The following BMP7 variants were observed in gnomAD, a reference collection of about 807,000 sequenced individuals.
The protein encoded by BMP7 is osteogenic protein 1.
In BMP7, 12 loss-of-function variants were observed where a neutral mutation model predicts 41.2. The ratio of observed to expected loss-of-function variants is 0.29; its 90% CI spans 0.19 to 0.47. BMP7 has a LOEUF of 0.47. BMP7 is among the 20% of genes least tolerant of loss of function. The pLI, the probability that BMP7 is intolerant of heterozygous loss-of-function variation, is 0.99. For missense variants in BMP7, 467 were observed against 606.0 expected (o/e 0.77, Z 2.41); for synonymous variants, 248 against 250.0 (o/e 0.99, Z 0.07).
At chr20:57,196,465 A>C (rs532923707) in intron 3 of BMP7, among the ~76,000 whole-genome samples, 1 of 152,194 alleles carries the variant, frequency 6.6e-6, no homozygotes, top group African/African-American at 2.4e-5. Context: ...TGCTTCGAAC[A>C]GTCCTTGCCT....
At chr20:57,194,067 G>C (rs1488810857) in intron 3 of BMP7, among the ~76,000 whole-genome samples, 1 of 152,194 alleles carries the variant, frequency 6.6e-6, no homozygotes, top group Non-Finnish European at 1.5e-5. Flanking sequence ...CTCCTGCTGG[G>C]GATGGATGCT....
At chr20:57,187,501 T>C (rs1380765871) in intron 3 of BMP7, among the ~76,000 whole-genome samples, 2 of 151,746 alleles carry the variant, frequency 1.3e-5, no homozygotes, top group Non-Finnish European at 2.9e-5. Flanking sequence ...AGAAGTATCC[T>C]GGAGGTTTCT....
chr20:57,211,677 G>A (rs898601696), intron 2 of BMP7, among the ~76,000 whole-genome samples: 2 of 152,210 alleles, frequency 1.3e-5, no homozygotes, highest in African/African-American at 4.8e-5. Context: ...AGGGGAGGCA[G>A]GAGGCCAGAG....
chr20:57,212,278 G>A (rs547199596), intron 2 of BMP7, among the ~76,000 whole-genome samples: 31 of 152,214 alleles, frequency 2.0e-4, no homozygotes, highest in Admixed American at 5.2e-4. Flanking sequence ...AGGGAAAAGC[G>A]TTCCCGGCAG....
At chr20:57,252,772 G>C (rs930344996) in intron 1 of BMP7, among the ~76,000 whole-genome samples, 1 of 152,138 alleles carries the variant, frequency 6.6e-6, no homozygotes, top group Non-Finnish European at 1.5e-5. Context: ...ACCACTGTGG[G>C]TCAGTGCGTT....
Position 57,183,760 on chromosome 20 carries a change from G to T in BMP7, c.920C>A (p.Pro307His), listed in dbSNP as rs1250712217. ...CATCCGCAGGGCTTCCTGGTTCTTG[G>T]GCGTCTTGGAGCGGTTCTGGCTGCG... is the stretch of plus-strand genomic sequence containing the variant. ...KQRSQNRSKT[P>H]KNQEALRMAN... Residue 307 changes from proline to histidine, a missense_variant, in exon 4 of 7, where the codon CCC becomes CAC. Physicochemically the swap from Pro to His is moderately conservative, Grantham distance 77. This residue lies in a region of BMP7 where 407 missense variants were observed against 485.9 expected (regional missense o/e 0.84). Transcript: ENST00000395863. 6.2e-7 allele frequency: 1 copy of T among 1,614,042 alleles called. No individual in the cohort carries two copies. The highest frequency in any genetic ancestry group is 8.5e-7 in the Non-Finnish European group (1 of 1,180,040).
intron 4 of BMP7, among the ~76,000 whole-genome samples, chr20:57,179,855 A>G (rs561755717): frequency 2.0e-5 from 3 of 152,320 alleles, no homozygotes; most frequent in Admixed American, 6.5e-5. Flanking sequence ...GCAGGTTCCC[A>G]GCAATGAATT....
chr20:57,205,833 A>G (rs1420279582), intron 2 of BMP7, among the ~76,000 whole-genome samples: 2 of 152,198 alleles, frequency 1.3e-5, no homozygotes, highest in Non-Finnish European at 2.9e-5. Context: ...CCATGAATCA[A>G]CGTGAATGCG....
chr20:57,229,232 A>G (rs1248316853), intron 1 of BMP7, among the ~76,000 whole-genome samples: 1 of 152,164 alleles, frequency 6.6e-6, no homozygotes, highest in Non-Finnish European at 1.5e-5. Flanking sequence ...CCCCCTCCTG[A>G]ACCAAGGGAA....
In BMP7 at chr20:57,259,328, C is replaced by T. The variant is rs2066145303; in HGVS notation, c.418+6377G>A. Among the ~76,000 whole-genome samples, 1 of 152,218 alleles carries T rather than the reference C, an allele frequency of 6.6e-6. No homozygotes were observed. Among genetic ancestry groups the T allele is most frequent in the Non-Finnish European group, 1.5e-5 (1 of 68,044 alleles). ...CACTGTGAAGCCCTTTATAGAAAGC[C>T]GCGGTTGGCAGCCCCCGCTCCTGCA... On this transcript the variant is annotated intron_variant, in intron 1 of 6. Transcript: ENST00000395863. The surrounding 1 kb of genome is among the most constrained non-coding windows in gnomAD (Gnocchi z 4.7).
At chr20:57,249,290 T>G (rs1249574381) in intron 1 of BMP7, among the ~76,000 whole-genome samples, 6 of 152,032 alleles carry the variant, frequency 3.9e-5, no homozygotes, top group Non-Finnish European at 7.4e-5. Context: ...CTTCTAGTGT[T>G]TGAAGGCAAG....
chr20:57,177,176 G>A (rs949709861), intron 4 of BMP7, among the ~76,000 whole-genome samples: 6 of 152,174 alleles, frequency 3.9e-5, no homozygotes, highest in Admixed American at 3.9e-4. Flanking sequence ...GAAGCAGCAA[G>A]CCAAGAGTGG....
chr20:57,252,524 T>A (rs1295145603), intron 1 of BMP7, among the ~76,000 whole-genome samples: 1 of 152,242 alleles, frequency 6.6e-6, no homozygotes, highest in Non-Finnish European at 1.5e-5. Context: ...GAGGGGCCAG[T>A]CCTCGATGTG....
chr20:57,234,034 G>A (rs1356644686), intron 1 of BMP7, among the ~76,000 whole-genome samples: 1 of 152,160 alleles, frequency 6.6e-6, no homozygotes, highest in Non-Finnish European at 1.5e-5. Flanking sequence ...TTGGGGCATG[G>A]CTCATTACAA....
intron 1 of BMP7, among the ~76,000 whole-genome samples, chr20:57,251,580 G>C (rs927236249): frequency 3.9e-5 from 6 of 152,124 alleles, no homozygotes; most frequent in Admixed American, 1.3e-4. Context: ...GAACATGGAG[G>C]GGGGGCAGGA....
intron 1 of BMP7, among the ~76,000 whole-genome samples, chr20:57,236,680 C>A (rs1333115685): frequency 6.6e-6 from 1 of 151,938 alleles, no homozygotes; most frequent in African/African-American, 2.4e-5. Context: ...CAGGGAGACC[C>A]CTCTTCCAGG....
chr20:57,261,760 C>T lies in BMP7; in HGVS notation c.418+3945G>A, dbSNP rs745895123. 5.9e-5 allele frequency among the ~76,000 whole-genome samples: 9 copies of T among 152,212 alleles called. No individual in the cohort carries two copies. The highest frequency in any genetic ancestry group is 2.1e-4 in the South Asian group (1 of 4,838). On this transcript the variant is annotated intron_variant, in intron 1 of 6. Transcript: ENST00000395863. This position sits in a 1 kb window ranked among gnomAD's most constrained non-coding sequence, Gnocchi z 4.1. ...TTTAACACAAGCCAGGTTACAGCTG[C>T]AAATGCCTGCAGTCCACGCTCCCCT...
chr20:57,258,040 T>G (rs1266006803), intron 1 of BMP7, among the ~76,000 whole-genome samples: 1 of 152,170 alleles, frequency 6.6e-6, no homozygotes, highest in East Asian at 1.9e-4. Flanking sequence ...TCCTCGATTT[T>G]GGAAACGGTG....
At chr20:57,232,200 TC>T (rs1329757744) in intron 1 of BMP7, among the ~76,000 whole-genome samples, 1 of 152,268 alleles carries the variant, frequency 6.6e-6, no homozygotes, top group East Asian at 1.9e-4. Context: ...CCCTGTGTGT[TC>T]CCCTCCCCCT....
Sources: allele counts gnomAD v4.1 joint callset (sites outside exome capture counted in the v4.1 genomes callset), GRCh38; gene constraint gnomAD v4.1.1; regional missense constraint gnomAD v4.1.1; non-coding constraint Gnocchi (gnomAD v3.1); transcripts MANE v1.5; gene names NCBI Gene and HGNC (gene_info 2026-07-23, HGNC 2026-07-21).